DENND4C: variants seen among roughly 807,000 people sequenced by gnomAD.
DENND4C encodes DENN domain-containing protein 4C.
DENND4C carries 108 observed loss-of-function variants against 203.0 expected under a neutral mutation model. The ratio of observed to expected loss-of-function variants is 0.53; its 90% CI spans 0.46 to 0.62. The LOEUF (loss-of-function observed/expected upper bound fraction) is 0.62, where lower values mean the gene tolerates loss of function less well. Among genes scored for constraint, DENND4C ranks in the 20% least tolerant of loss-of-function variants. DENND4C has a pLI of 0.00. For synonymous variants in DENND4C, 871 were observed against 792.4 expected, an observed-to-expected ratio of 1.10 and a Z score of -1.67; for missense variants, 2,481 against 2,301.2, an observed-to-expected ratio of 1.08 and a Z score of -1.60.
In DENND4C at chr9:19,336,394, C is replaced by T; in HGVS notation, c.2714C>T (p.Ser905Leu). The T allele has an allele frequency of 1.2e-6, 2 of 1,613,578 alleles. No homozygotes were observed. Among genetic ancestry groups the T allele is most frequent in the African/African-American group, 2.7e-5 (2 of 74,982 alleles). ...CCGCTTAAAAAGACTGTGCAAAGGT[C>T]ACAGGTCTCCTCAATATCAGGTAAT... ...RQPLKKTVQR[S>L]QVSSISALQN... Residue 905 changes from serine to leucine, a missense_variant, in exon 19 of 33, where the codon TCA becomes TTA. Coordinates refer to ENST00000434457, the MANE Select transcript of DENND4C (RefSeq NM_001330640.2).
intron 1 of DENND4C, among the ~76,000 whole-genome samples, chr9:19,252,828 G>A (rs199953126): frequency 6.6e-6 from 1 of 151,960 alleles, no homozygotes; most frequent in Admixed American, 6.6e-5. Context: ...CTCTGCCTCC[G>A]GGGTTCAAGT....
At chr9:19,311,772 T>G (rs2131476646) in intron 10 of DENND4C, among the ~76,000 whole-genome samples, 1 of 152,310 alleles carries the variant, frequency 6.6e-6, no homozygotes, top group East Asian at 1.9e-4. Flanking sequence ...ATGAAATGCT[T>G]AAATAGCATG....
chr9:19,246,042 T>C (rs1825168319), intron 1 of DENND4C, among the ~76,000 whole-genome samples: 1 of 151,912 alleles, frequency 6.6e-6, no homozygotes, highest in Non-Finnish European at 1.5e-5. Context: ...CGCCATTTTT[T>C]CACTGTCCAT....
At position 19,288,616 on chromosome 9, in the gene DENND4C, G is replaced by C. The variant is rs1282144253; in HGVS notation, c.579G>C (p.Leu193=). 8 of 1,231,710 alleles carry C rather than the reference G, an allele frequency of 6.5e-6. 1 individual carries two copies. The highest frequency in any genetic ancestry group is 6.1e-6 in the Non-Finnish European group (6 of 987,758). The allele number at this position is 1,231,710 out of a possible 1,614,324, so 76.3% of individuals were successfully genotyped here. ...TACAGTGGGGTTCCAGCGTGTTTCT[G>C]TGTTATAAGAAGTCTGTACCTGCTT... ...NCGMWGSSVF[L]CYKKSVPASN... The change falls in exon 4 of 33, where the codon CTG becomes CTC. Residue 193 remains leucine, a synonymous_variant. Coordinates refer to ENST00000434457, the MANE Select transcript of DENND4C (RefSeq NM_001330640.2).
intron 1 of DENND4C, among the ~76,000 whole-genome samples, chr9:19,243,102 AC>A (rs1477081038): frequency 3.9e-5 from 6 of 152,158 alleles, no homozygotes; most frequent in Non-Finnish European, 8.8e-5. Flanking sequence ...GATTTTAATC[AC>A]CCCAGAAAGA....
intron 1 of DENND4C, among the ~76,000 whole-genome samples, chr9:19,241,030 C>T (rs965664964): frequency 2.0e-5 from 3 of 152,116 alleles, no homozygotes; most frequent in Admixed American, 6.6e-5. Context: ...GAAAGATAAA[C>T]GTGGTACACC....
intron 20 of DENND4C, among the ~76,000 whole-genome samples, chr9:19,340,281 C>G (rs921988668): frequency 2.6e-5 from 4 of 152,112 alleles, no homozygotes; most frequent in African/African-American, 9.7e-5. Context: ...AAAAACAAAC[C>G]TACTAAGATG....
intron 1 of DENND4C, among the ~76,000 whole-genome samples, chr9:19,242,644 C>G (rs950413497): frequency 7.0e-6 from 1 of 142,438 alleles, no homozygotes; most frequent in Non-Finnish European, 1.5e-5. Context: ...TATCTCATTG[C>G]TATTTCTTTC....
In DENND4C at chr9:19,361,977, A is replaced by C; in HGVS notation, c.5524+14A>C. 1 of 1,499,204 alleles carries C rather than the reference A, an allele frequency of 6.7e-7. No individual in the cohort carries two copies. Among genetic ancestry groups the C allele is most frequent in the Non-Finnish European group, 9.3e-7 (1 of 1,077,120 alleles). 92.9% of individuals were successfully genotyped at this position (1,499,204 alleles called of 1,614,324 possible). A position where few individuals can be genotyped will look rare whatever the true frequency, so the allele number is the denominator to read the frequency against. On this transcript the variant is annotated intron_variant, in intron 30 of 32. Coordinates refer to ENST00000434457, the MANE Select transcript of DENND4C (RefSeq NM_001330640.2). Reference sequence around the variant, plus strand: ...GGAGGAATTTTAGTAAGTAAAATAGAATTAAAGACATAACAGCCAGGTGCA... The same window carrying C: ...GGAGGAATTTTAGTAAGTAAAATAGCATTAAAGACATAACAGCCAGGTGCA...
At chr9:19,238,381 C>G (rs1012496467) in intron 1 of DENND4C, among the ~76,000 whole-genome samples, 1 of 151,596 alleles carries the variant, frequency 6.6e-6, no homozygotes, top group Non-Finnish European at 1.5e-5. Context: ...TGCGCCCAGC[C>G]TCTTCCTATT....
rs10123889 is a variant in DENND4C, at chr9:19,256,427, C to G, written c.-17-19731C>G. Among the ~76,000 whole-genome samples, 283 of 150,414 alleles carry G rather than the reference C, an allele frequency of 1.9e-3. 2 individuals carry two copies. The highest frequency in any genetic ancestry group is 3.5e-3 in the Non-Finnish European group (239 of 67,656). ...CACCTCCTGAGTTCAAGCGATTCTC[C>G]TGTCGCAGCCTCCCGAGTAGCTGGG... On this transcript the variant is annotated intron_variant, in intron 1 of 32. Transcript: ENST00000434457.
chr9:19,349,849 G>A (rs1414712277), intron 23 of DENND4C, among the ~76,000 whole-genome samples: 5 of 151,996 alleles, frequency 3.3e-5, no homozygotes, highest in East Asian at 1.9e-4. Flanking sequence ...AGAAGTACAG[G>A]TGAAAAACAA....
Position 19,336,722 on chromosome 9 carries a change from C to T in DENND4C, c.2771C>T (p.Thr924Met), listed in dbSNP as rs548390489. Residue 924 changes from threonine (T) to methionine (M), a missense_variant, in exon 20 of 33, where the codon ACG (threonine) becomes ATG (methionine). Thr to Met is a moderately conservative substitution (Grantham distance 81). Around this residue, in one of 3 missense-constraint regions of DENND4C, gnomAD observed 2,289 missense variants for 2,113.3 expected, o/e 1.08. Coordinates refer to ENST00000434457, the MANE Select transcript of DENND4C (RefSeq NM_001330640.2). ...GTCACAGGTGGAAGTGATGGGGACACGGTGAGCCACGGTAGTGTGGATAGT... is the reference window on the plus strand; with the variant it reads ...GTCACAGGTGGAAGTGATGGGGACATGGTGAGCCACGGTAGTGTGGATAGT... ...QNVTGGSDGD[T>M]VSHGSVDSSN... The T allele has an allele frequency of 1.1e-5, 17 of 1,551,048 alleles. No homozygotes were observed. In the African/African-American group the frequency reaches 1.9e-4, roughly 17 times the overall value.
chr9:19,231,379 C>T lies in DENND4C; in HGVS notation c.-18+546C>T, dbSNP rs1820510250. 2.0e-5 allele frequency among the ~76,000 whole-genome samples: 3 copies of T among 152,124 alleles called. No individual in the cohort carries two copies. The South Asian group carries it at 6.2e-4, about 32-fold the overall frequency. Reference sequence around the variant, plus strand: ...GAATTGAAGACATTTCCTTCTCTGTCTTACGGTGGCCGATCCTCAGGGCTT... The same window carrying T: ...GAATTGAAGACATTTCCTTCTCTGTTTTACGGTGGCCGATCCTCAGGGCTT... On this transcript the variant is annotated intron_variant, in intron 1 of 32. Coordinates refer to ENST00000434457, the MANE Select transcript of DENND4C (RefSeq NM_001330640.2).
At chr9:19,244,892 G>A (rs948711429) in intron 1 of DENND4C, among the ~76,000 whole-genome samples, 1 of 152,052 alleles carries the variant, frequency 6.6e-6, no homozygotes, top group African/African-American at 2.4e-5. Context: ...CCCTTACTGG[G>A]TTGTTATGAA....
chr9:19,270,507 T>G (rs1831424707), intron 1 of DENND4C, among the ~76,000 whole-genome samples: 1 of 152,208 alleles, frequency 6.6e-6, no homozygotes, highest in African/African-American at 2.4e-5. Context: ...TTTTTCTATT[T>G]TGTAACATAG....
intron 9 of DENND4C, among the ~76,000 whole-genome samples, chr9:19,302,496 A>G (rs1159453845): frequency 6.6e-6 from 1 of 152,170 alleles, no homozygotes; most frequent in Non-Finnish European, 1.5e-5. Flanking sequence ...AAGTCCTTGC[A>G]GGGTCCTTTG....
chr9:19,353,008 C>G (rs1824501495), intron 26 of DENND4C, among the ~76,000 whole-genome samples: 1 of 151,984 alleles, frequency 6.6e-6, no homozygotes, highest in South Asian at 2.1e-4. Context: ...TGGTAGTGTG[C>G]ACCTGTGGTA....
At chr9:19,304,444 A>T (rs186642380) in intron 9 of DENND4C, among the ~76,000 whole-genome samples, 336 of 152,142 alleles carry the variant, frequency 2.2e-3, no homozygotes, top group African/African-American at 7.6e-3. Context: ...TCAGCCTCCC[A>T]AAGTGCTGGG....
Sources: allele counts gnomAD v4.1 joint callset (sites outside exome capture counted in the v4.1 genomes callset), GRCh38; gene constraint gnomAD v4.1.1; regional missense constraint gnomAD v4.1.1; transcripts MANE v1.5; gene names NCBI Gene and HGNC (gene_info 2026-07-23, HGNC 2026-07-21).